TMED5: variants seen among roughly 807,000 people sequenced by gnomAD.
The protein encoded by TMED5 is transmembrane emp24 domain-containing protein 5.
TMED5 carries 27 observed loss-of-function variants against 23.0 expected under a neutral mutation model. The ratio of observed to expected loss-of-function variants is 1.17; its 90% CI spans 0.86 to 1.62. TMED5 has a LOEUF of 1.62. Ranked by LOEUF, TMED5 falls within the 40% of genes most tolerant of loss-of-function variation. The probability of loss-of-function intolerance (pLI) is 0.00; values close to 1 mark genes in which losing one functional copy is unlikely to be tolerated. For missense variants in TMED5, 248 were observed against 273.7 expected (o/e 0.91, Z 0.66); for synonymous variants, 97 against 100.8 (o/e 0.96, Z 0.23).
At chr1:93,173,228 G>T (rs893366178) in intron 1 of TMED5, among the ~76,000 whole-genome samples, 1 of 152,098 alleles carries the variant, frequency 6.6e-6, no homozygotes, top group Non-Finnish European at 1.5e-5. Context: ...AAAATTATAG[G>T]CAAGGCAATG....
chr1:93,177,584 C>CAAAAAAA (rs11322215), intron 1 of TMED5, among the ~76,000 whole-genome samples: 2 of 44,406 alleles, frequency 4.5e-5, no homozygotes, highest in African/African-American at 1.3e-4. Context: ...GACTCTGTCT[C>CAAAAAAA]AAAAAAAAAA....
intron 1 of TMED5, among the ~76,000 whole-genome samples, chr1:93,168,924 A>G (rs1217524191): frequency 2.0e-5 from 3 of 152,252 alleles, no homozygotes; most frequent in African/African-American, 7.2e-5. Context: ...GTATACACCT[A>G]ACAACAATGT....
At chr1:93,159,325 T>G (rs1648188364) in intron 2 of TMED5, among the ~76,000 whole-genome samples, 1 of 152,164 alleles carries the variant, frequency 6.6e-6, no homozygotes, top group East Asian at 1.9e-4. Flanking sequence ...AGTCAAAGAC[T>G]CTATCTCATA....
rs967278656 is a variant in TMED5 at position 93,153,012 on chromosome 1, A to C, written c.*1658T>G. 1 of 152,510 alleles carries C rather than the reference A, an allele frequency of 6.6e-6. No homozygotes were observed. The highest frequency in any genetic ancestry group is 2.4e-5 in the African/African-American group (1 of 41,424). 9.4% of individuals were successfully genotyped at this position (152,510 alleles called of 1,614,324 possible). A position where few individuals can be genotyped will look rare whatever the true frequency, so the allele number is the denominator to read the frequency against. On this transcript the variant is annotated 3_prime_UTR_variant, in exon 4 of 4. Transcript: ENST00000370282. ...AAGAGGGAAATGTATCTCTTTTTATACTACTATGAGTGTAAATGAAATCAC... is the reference window on the plus strand; with the variant it reads ...AAGAGGGAAATGTATCTCTTTTTATCCTACTATGAGTGTAAATGAAATCAC...
chr1:93,168,862 A>G (rs1341377129), intron 1 of TMED5, among the ~76,000 whole-genome samples: 1 of 152,196 alleles, frequency 6.6e-6, no homozygotes, highest in Non-Finnish European at 1.5e-5. Context: ...GCGGGCGGGC[A>G]TTACCTATAA....
chr1:93,171,603 G>A (rs1436215640), intron 1 of TMED5, among the ~76,000 whole-genome samples: 1 of 152,196 alleles, frequency 6.6e-6, no homozygotes. Flanking sequence ...GGACCAGACA[G>A]TTTCAATGGT....
rs1366646415 is a variant in TMED5 at position 93,154,380 on chromosome 1, C to T, written c.*290G>A. ...CCCAATACTCATTTATTTAAATCAC[C>T]TAAGACATTTGCAAAATTTTTCAAA... On this transcript the variant is annotated 3_prime_UTR_variant, in exon 4 of 4. Coordinates refer to ENST00000370282, the MANE Select transcript of TMED5 (RefSeq NM_016040.5). 2.8e-6 allele frequency: 1 copy of T among 362,618 alleles called. No individual in the cohort carries two copies. The highest frequency in any genetic ancestry group is 4.5e-5 in the Admixed American group (1 of 22,378). The allele number at this position is 362,618 out of a possible 1,614,324, so 22.5% of individuals were successfully genotyped here.
chr1:93,169,399 A>G (rs1042829702), intron 1 of TMED5, among the ~76,000 whole-genome samples: 1 of 152,178 alleles, frequency 6.6e-6, no homozygotes, highest in Non-Finnish European at 1.5e-5. Context: ...AATTTGTGGG[A>G]TACAGAGAAA....
chr1:93,170,238 G>A (rs920536973), intron 1 of TMED5, among the ~76,000 whole-genome samples: 3 of 152,210 alleles, frequency 2.0e-5, no homozygotes, highest in Non-Finnish European at 2.9e-5. Context: ...GGCCGCAGCC[G>A]GCTCCCTCAG....
At chr1:93,163,718 G>A (rs1216963586) in intron 1 of TMED5, among the ~76,000 whole-genome samples, 4 of 150,766 alleles carry the variant, frequency 2.7e-5, no homozygotes, top group African/African-American at 4.9e-5. Flanking sequence ...GCTTACTCCC[G>A]TAGTCCCAGC....
chr1:93,154,912 A>C (rs777974649), intron 3 of TMED5, 24 bp from the exon 4 acceptor site: 42 of 1,480,098 alleles, frequency 2.8e-5, no homozygotes, highest in South Asian at 2.3e-4. Context: ...AAATAATTTT[A>C]TTATTAAAGA....
At chr1:93,163,465 G>A (rs1173715103) in intron 1 of TMED5, among the ~76,000 whole-genome samples, 1 of 150,964 alleles carries the variant, frequency 6.6e-6, no homozygotes, top group Non-Finnish European at 1.5e-5. Context: ...CCGCCTCAGT[G>A]TCCTGAGTAG....
chr1:93,156,416 CCTT>C lies in TMED5; in HGVS notation c.352_354del (p.Lys118del), dbSNP rs1326866041. On this transcript the variant is annotated inframe_deletion, in exon 3 of 4. Transcript: ENST00000370282. Reference sequence around the variant, plus strand: ...TCCAGGATTAATTCAAAGAAAATCACCTTCTCAGAAATGGTGCTGAATGTATTG... The same window carrying C: ...TCCAGGATTAATTCAAAGAAAATCACCTCAGAAATGGTGCTGAATGTATTG... 3.1e-6 allele frequency: 5 copies of C among 1,613,870 alleles called. No homozygotes were observed. Among genetic ancestry groups the C allele is most frequent in the South Asian group, 1.1e-5 (1 of 91,078 alleles).
chr1:93,156,412 A>G lies in TMED5; in HGVS notation c.359T>C (p.Ile120Thr). 6.2e-7 allele frequency: 1 copy of G among 1,613,962 alleles called. No individual in the cohort carries two copies. Among genetic ancestry groups the G allele is most frequent in the Non-Finnish European group, 8.5e-7 (1 of 1,179,954 alleles). ...ATTATCCAGGATTAATTCAAAGAAA[A>G]TCACCTTCTCAGAAATGGTGCTGAA... ...NTFSTISEKVIFFELILDNMG... is the reference protein window; with the variant it reads ...NTFSTISEKVTFFELILDNMG... Residue 120 changes from isoleucine to threonine, a missense_variant, in exon 3 of 4, where the codon ATT becomes ACT. Ile to Thr is a moderately conservative substitution (Grantham distance 89, BLOSUM62 -1). Coordinates refer to ENST00000370282, the MANE Select transcript of TMED5 (RefSeq NM_016040.5).
At chr1:93,163,739 G>A (rs1406720286) in intron 1 of TMED5, among the ~76,000 whole-genome samples, 1 of 151,688 alleles carries the variant, frequency 6.6e-6, no homozygotes, top group Non-Finnish European at 1.5e-5. Flanking sequence ...ACTTTGGGAG[G>A]CTGAGGTGGG....
chr1:93,175,388 AC>A (rs1458553801), intron 1 of TMED5, among the ~76,000 whole-genome samples: 1 of 147,088 alleles, frequency 6.8e-6, no homozygotes, highest in Non-Finnish European at 1.5e-5. Context: ...ATTTATATAT[AC>A]ATATACATTT....
chr1:93,156,394 A>G lies in TMED5; in HGVS notation c.377T>C (p.Leu126Pro). 1 of 1,613,900 alleles carries G rather than the reference A, an allele frequency of 6.2e-7. No individual in the cohort carries two copies. Among genetic ancestry groups the G allele is most frequent in the Non-Finnish European group, 8.5e-7 (1 of 1,179,846 alleles). ...TTGTGCCTGTTCTCCCATATTATCCAGGATTAATTCAAAGAAAATCACCTT... is the reference window on the plus strand; with the variant it reads ...TTGTGCCTGTTCTCCCATATTATCCGGGATTAATTCAAAGAAAATCACCTT... ...SEKVIFFELI[L>P]DNMGEQAQEQ... Residue 126 changes from leucine to proline, a missense_variant, in exon 3 of 4, where the codon CTG becomes CCG. Coordinates refer to ENST00000370282, the MANE Select transcript of TMED5 (RefSeq NM_016040.5).
At chr1:93,170,468 G>C (rs1443095262) in intron 1 of TMED5, among the ~76,000 whole-genome samples, 1 of 152,208 alleles carries the variant, frequency 6.6e-6, no homozygotes, top group Non-Finnish European at 1.5e-5. Flanking sequence ...CGCGGGGCAG[G>C]GCTTGGGACC....
intron 1 of TMED5, among the ~76,000 whole-genome samples, chr1:93,173,741 T>C (rs1648811549): frequency 1.3e-5 from 2 of 152,352 alleles, no homozygotes; most frequent in Admixed American, 6.5e-5. Flanking sequence ...CTTCCAGTTA[T>C]ATGAACCAAT....
Sources: gnomAD v4.1 joint callset for allele counts (sites outside exome capture counted in the v4.1 genomes callset) on GRCh38, gnomAD v4.1.1 for gene constraint, MANE v1.5 for transcripts, NCBI Gene and HGNC (gene_info 2026-07-23, HGNC 2026-07-21) for gene names.